The following HS3ST4 variants were observed in gnomAD, a reference collection of about 807,000 sequenced individuals.
The protein encoded by HS3ST4 is heparan sulfate glucosamine 3-O-sulfotransferase 4.
In HS3ST4, 17 loss-of-function variants were observed where a neutral mutation model predicts 29.2. That is an observed-to-expected ratio of 0.58 (90% CI 0.40 to 0.87). The LOEUF (loss-of-function observed/expected upper bound fraction) is 0.87, where lower values mean the gene tolerates loss of function less well. Among genes scored for constraint, HS3ST4 ranks in the 40% least tolerant of loss-of-function variants. The pLI is 0.00. For synonymous variants in HS3ST4, 314 were observed against 285.7 expected (o/e 1.10, Z -1.00); for missense variants, 627 against 634.5 (o/e 0.99, Z 0.13).
At chr16:25,845,850 A>G (rs1173762865) in intron 1 of HS3ST4, among the ~76,000 whole-genome samples, 3 of 151,856 alleles carry the variant, frequency 2.0e-5, no homozygotes, top group Non-Finnish European at 2.9e-5. Flanking sequence ...TTTAATGCAC[A>G]TTTATTTGTT....
chr16:26,023,522 C>T (rs1969436664), intron 1 of HS3ST4, among the ~76,000 whole-genome samples: 1 of 152,066 alleles, frequency 6.6e-6, no homozygotes, highest in Admixed American at 6.6e-5. Context: ...ACCTCTACCT[C>T]CCAAGTAGCT....
intron 1 of HS3ST4, among the ~76,000 whole-genome samples, chr16:25,905,919 T>A (rs1329643241): frequency 6.6e-6 from 1 of 152,146 alleles, no homozygotes; most frequent in East Asian, 1.9e-4. Context: ...CATAGCTGAG[T>A]GTTTATGGCT....
chr16:25,855,516 T>G (rs1967566453), intron 1 of HS3ST4, among the ~76,000 whole-genome samples: 1 of 152,226 alleles, frequency 6.6e-6, no homozygotes. Flanking sequence ...CTATCTGTTA[T>G]GTGATGCTAT....
chr16:25,698,466 G>A (rs1358420780), intron 1 of HS3ST4, among the ~76,000 whole-genome samples: 2 of 152,180 alleles, frequency 1.3e-5, no homozygotes, highest in African/African-American at 4.8e-5. Flanking sequence ...GGTTCAAAAC[G>A]TGGCTTTAAG....
chr16:25,801,465 T>A lies in HS3ST4; in HGVS notation c.734+108314T>A, dbSNP rs147821842. Among the ~76,000 whole-genome samples the A allele has an allele frequency of 3.7e-4, 56 of 152,322 alleles. No individual in the cohort carries two copies. The East Asian group carries it at 0.011, about 29-fold the overall frequency. ...AGTGGAATTTCTGGTAAACATGCATTGACAAATACAATTTGGACACATTTT... is the reference window on the plus strand; with the variant it reads ...AGTGGAATTTCTGGTAAACATGCATAGACAAATACAATTTGGACACATTTT... On this transcript the variant is annotated intron_variant, in intron 1 of 1. Coordinates refer to ENST00000331351, the MANE Select transcript of HS3ST4 (RefSeq NM_006040.3).
At chr16:25,780,449 T>A (rs1348863738) in intron 1 of HS3ST4, among the ~76,000 whole-genome samples, 1 of 152,116 alleles carries the variant, frequency 6.6e-6, no homozygotes, top group Admixed American at 6.5e-5. Context: ...AGGGGTCTCT[T>A]GTTGAGAATA....
At chr16:25,748,226 T>C (rs937820534) in intron 1 of HS3ST4, among the ~76,000 whole-genome samples, 1 of 152,180 alleles carries the variant, frequency 6.6e-6, no homozygotes, top group Non-Finnish European at 1.5e-5. Context: ...AGTATTTCTT[T>C]CTTAATGGTT....
At chr16:25,873,181 C>T (rs986018980) in intron 1 of HS3ST4, among the ~76,000 whole-genome samples, 14 of 151,558 alleles carry the variant, frequency 9.2e-5, no homozygotes, top group African/African-American at 3.4e-4. Flanking sequence ...CACACATTCA[C>T]CCACCCATCT....
In HS3ST4 at chr16:25,891,450, G is replaced by C. The variant is rs187561614; in HGVS notation, c.734+198299G>C. Among the ~76,000 whole-genome samples, 3 of 152,218 alleles carry C rather than the reference G, an allele frequency of 2.0e-5. No homozygotes were observed. The East Asian group carries it at 5.8e-4, about 29-fold the overall frequency. On this transcript the variant is annotated intron_variant, in intron 1 of 1. Coordinates refer to ENST00000331351, the MANE Select transcript of HS3ST4 (RefSeq NM_006040.3). ...CAATGATGGGAAGCAGGAACCCTTGGAGAGATCTTTACTTACATGTTTTGT... is the reference window on the plus strand; with the variant it reads ...CAATGATGGGAAGCAGGAACCCTTGCAGAGATCTTTACTTACATGTTTTGT...
At chr16:25,834,839 TG>T (rs1360849035) in intron 1 of HS3ST4, among the ~76,000 whole-genome samples, 6 of 152,064 alleles carry the variant, frequency 3.9e-5, no homozygotes, top group African/African-American at 1.4e-4. Context: ...CACAGCTACT[TG>T]GGAGGCTGAG....
intron 1 of HS3ST4, among the ~76,000 whole-genome samples, chr16:26,028,144 G>A (rs1969494309): frequency 1.3e-5 from 2 of 151,700 alleles, no homozygotes; most frequent in Admixed American, 1.3e-4. Flanking sequence ...GTAGTAGCAG[G>A]CGCCTGTAAT....
At chr16:26,113,658 G>A (rs1899164993) in intron 1 of HS3ST4, among the ~76,000 whole-genome samples, 1 of 152,050 alleles carries the variant, frequency 6.6e-6, no homozygotes, top group Non-Finnish European at 1.5e-5. Context: ...CAGAGATGAT[G>A]AGAATAATGG....
chr16:25,750,711 C>A (rs546080295), intron 1 of HS3ST4, among the ~76,000 whole-genome samples: 1 of 152,286 alleles, frequency 6.6e-6, no homozygotes, highest in Non-Finnish European at 1.5e-5. Flanking sequence ...CACTCACTTG[C>A]CTGGGCCTGT....
chr16:25,819,179 T>G (rs1248961508), intron 1 of HS3ST4, among the ~76,000 whole-genome samples: 2 of 152,126 alleles, frequency 1.3e-5, no homozygotes, highest in Non-Finnish European at 2.9e-5. Flanking sequence ...GGCCTCTGAG[T>G]CTGCGATCCT....
At chr16:26,027,486 T>TTTACTTCTCCTTCTTGA (rs1969488050) in intron 1 of HS3ST4, among the ~76,000 whole-genome samples, 1 of 152,222 alleles carries the variant, frequency 6.6e-6, no homozygotes, top group Non-Finnish European at 1.5e-5. Context: ...TAGGTCCACA[T>TTTACTTCTCCTTCTTGA]TTACTTCTCC....
At chr16:25,816,981 C>A (rs1384013132) in intron 1 of HS3ST4, among the ~76,000 whole-genome samples, 1 of 152,142 alleles carries the variant, frequency 6.6e-6, no homozygotes, top group Non-Finnish European at 1.5e-5. Flanking sequence ...ATTATCCACA[C>A]CTTAAAGGCC....
At chr16:26,093,124 G>A (rs571114903) in intron 1 of HS3ST4, among the ~76,000 whole-genome samples, 1 of 152,290 alleles carries the variant, frequency 6.6e-6, no homozygotes, top group East Asian at 1.9e-4. Flanking sequence ...AGCTCAGCAA[G>A]GCCTACTGCC....
At chr16:25,774,629 A>G (rs150047990) in intron 1 of HS3ST4, among the ~76,000 whole-genome samples, 16 of 152,330 alleles carry the variant, frequency 1.1e-4, no homozygotes, top group South Asian at 8.3e-4. Flanking sequence ...AAAAGTGAGG[A>G]TAATAATAGC....
intron 1 of HS3ST4, among the ~76,000 whole-genome samples, chr16:25,955,356 C>T (rs1369438755): frequency 6.6e-6 from 1 of 152,146 alleles, no homozygotes; most frequent in East Asian, 1.9e-4. Flanking sequence ...TCGTCAGTTG[C>T]TTTATAGCCT....
Sources: allele counts gnomAD v4.1 joint callset (sites outside exome capture counted in the v4.1 genomes callset), GRCh38; gene constraint gnomAD v4.1.1; transcripts MANE v1.5; gene names NCBI Gene and HGNC (gene_info 2026-07-23, HGNC 2026-07-21).